MAGED1: variants seen among roughly 807,000 people sequenced by gnomAD.
MAGED1 encodes melanoma-associated antigen D1.
MAGED1 carries 3 observed loss-of-function variants against 54.1 expected under a neutral mutation model. That is an observed-to-expected ratio of 0.06 (90% CI 0.03 to 0.14). The LOEUF is 0.14. Among genes scored for constraint, MAGED1 ranks in the 10% least tolerant of loss-of-function variants. The pLI is 1.00. For synonymous variants in MAGED1, 217 were observed against 227.3 expected (o/e 0.95, Z 0.41); for missense variants, 485 against 623.4 (o/e 0.78, Z 2.36).
chrX:51,892,276 G>T (rs1928468585), upstream of MAGED1, among the ~76,000 whole-genome samples: 1 of 112,571 alleles, frequency 8.9e-6, no homozygotes, highest in Non-Finnish European at 1.9e-5. Flanking sequence ...TTTGCACATT[G>T]AGAAACCAGG....
chrX:51,810,346 A>G (rs1274077008), intron 1 of MAGED1, among the ~76,000 whole-genome samples: 1 of 111,886 alleles, frequency 8.9e-6, no homozygotes, highest in Non-Finnish European at 1.9e-5. Context: ...TTATTATTTT[A>G]AAAGTCATGC....
chrX:51,886,351 A>AT (rs1385083980), intron 1 of MAGED1, among the ~76,000 whole-genome samples: 2 of 111,489 alleles, frequency 1.8e-5, no homozygotes, highest in African/African-American at 3.3e-5. Flanking sequence ...TGATGAGATC[A>AT]TTATACAAGA....
intron 1 of MAGED1, among the ~76,000 whole-genome samples, chrX:51,849,705 CCT>C (rs1157573819): frequency 9.0e-6 from 1 of 110,914 alleles, no homozygotes; most frequent in Non-Finnish European, 1.9e-5. Context: ...ACCTTGCTGA[CCT>C]CTCTCTCTAA....
rs961848179 is a variant in MAGED1, at chrX:51,895,145, C to G, written c.138C>G (p.Thr46=). The G allele has an allele frequency of 1.1e-5, 13 of 1,210,271 alleles. No homozygotes were observed. The highest frequency in any genetic ancestry group is 1.3e-5 in the Non-Finnish European group (12 of 895,166). The change falls in exon 3 of 13, where the codon ACC becomes ACG. Residue 46 remains threonine (T), a synonymous_variant. Transcript: ENST00000326587. ...ISEAPPTNQA[T]AAASPQSSQP... is the part of the protein sequence containing the mutation. ...AGGCTCCACCTACTAACCAGGCCAC[C>G]GCAGCTGCTAGTCCCCAGAGTTCAC...
chrX:51,829,359 A>G (rs1925977178), intron 1 of MAGED1, among the ~76,000 whole-genome samples: 1 of 110,031 alleles, frequency 9.1e-6, no homozygotes, highest in African/African-American at 3.3e-5. Flanking sequence ...ATGTGAAATT[A>G]GTAAATGAAA....
intron 1 of MAGED1, among the ~76,000 whole-genome samples, chrX:51,838,869 G>A (rs782062788): frequency 4.5e-5 from 5 of 111,171 alleles, no homozygotes; most frequent in Non-Finnish European, 9.4e-5. Context: ...TCACTTCAAA[G>A]TAAAACCACT....
chrX:51,898,458 C>T lies in MAGED1; in HGVS notation c.1782-123C>T, dbSNP rs1256501831. 1.8e-5 allele frequency: 18 copies of T among 973,380 alleles called. No homozygotes were observed. In the Admixed American group the frequency reaches 4.3e-4, roughly 23 times the overall value. 80.2% of individuals were successfully genotyped at this position (973,380 alleles called of 1,213,427 possible). On this transcript the variant is annotated intron_variant, in intron 9 of 12. Transcript: ENST00000326587. ...GATGTTCAGAGCCCAAAGATGTGAC[C>T]TGGGTGGATGGGGAAACAGTTCTGA...
At chrX:51,892,903 TC>T (rs782510149), upstream of MAGED1, among the ~76,000 whole-genome samples, 22 of 111,096 alleles carry the variant, frequency 2.0e-4, no homozygotes, top group Non-Finnish European at 4.0e-4. Context: ...GACATCCACT[TC>T]CCAGGGCTGC....
chrX:51,811,157 C>T (rs1250254815), intron 1 of MAGED1, among the ~76,000 whole-genome samples: 5 of 111,148 alleles, frequency 4.5e-5, no homozygotes, highest in Non-Finnish European at 9.4e-5. Context: ...TTGCTTTATA[C>T]GTGTTAAGAA....
intron 1 of MAGED1, among the ~76,000 whole-genome samples, chrX:51,861,531 A>G (rs1243088589): frequency 8.9e-6 from 1 of 111,960 alleles, no homozygotes; most frequent in Non-Finnish European, 1.9e-5. Context: ...CTTTTAGTAT[A>G]GCTATAGCAT....
chrX:51,857,031 G>A (rs782466558), intron 1 of MAGED1: 4 of 111,460 alleles, frequency 3.6e-5, no homozygotes, highest in Non-Finnish European at 5.6e-5. Flanking sequence ...ATGTCAAAAA[G>A]CCCTTTGTCA....
intron 1 of MAGED1, among the ~76,000 whole-genome samples, chrX:51,831,802 T>G (rs782164773): frequency 9.0e-6 from 1 of 110,941 alleles, no homozygotes; most frequent in South Asian, 3.8e-4. Flanking sequence ...ATGGGTAACT[T>G]CCTTTTCATC....
intron 1 of MAGED1, among the ~76,000 whole-genome samples, chrX:51,879,447 T>C (rs1446107160): frequency 1.8e-5 from 2 of 111,369 alleles, no homozygotes; most frequent in African/African-American, 6.5e-5. Context: ...TATGTAGAAA[T>C]CTAGGGTGGT....
At chrX:51,835,704 A>G (rs1034601790) in intron 1 of MAGED1, among the ~76,000 whole-genome samples, 2 of 111,558 alleles carry the variant, frequency 1.8e-5, no homozygotes, top group Non-Finnish European at 3.8e-5. Context: ...AATAATGGCA[A>G]AACCCACAAT....
At chrX:51,824,418 T>C (rs1925753767) in intron 1 of MAGED1, among the ~76,000 whole-genome samples, 1 of 110,797 alleles carries the variant, frequency 9.0e-6, no homozygotes, top group Non-Finnish European at 1.9e-5. Context: ...TTGTGAAGAG[T>C]TGTTTTTCTC....
intron 1 of MAGED1, among the ~76,000 whole-genome samples, chrX:51,818,629 T>C (rs1340721474): frequency 8.9e-6 from 1 of 112,255 alleles, no homozygotes; most frequent in Non-Finnish European, 1.9e-5. Context: ...TTAACCATGA[T>C]GCTTCTGATA....
chrX:51,896,217 T>G (rs1262894359), intron 3 of MAGED1, 192 bp from the exon 4 acceptor site: 11 of 440,019 alleles, frequency 2.5e-5, no homozygotes, highest in Non-Finnish European at 1.2e-5. Context: ...CATCTTTGGG[T>G]TGCTCCTGGC....
intron 1 of MAGED1, among the ~76,000 whole-genome samples, chrX:51,859,501 A>G (rs1927198507): frequency 3.6e-5 from 4 of 112,031 alleles, no homozygotes; most frequent in African/African-American, 1.3e-4. Flanking sequence ...CATAATGTGA[A>G]TGGTATTCTG....
In MAGED1 at chrX:51,852,098, G is replaced by C. The variant is rs1344352172; in HGVS notation, c.-36-42171G>C. Among the ~76,000 whole-genome samples the C allele has an allele frequency of 4.5e-5, 5 of 111,564 alleles. No individual in the cohort carries two copies. In the Admixed American group the frequency reaches 4.8e-4, roughly 11 times the overall value. ...CCGCTAGAAAATAATCTGTCTTCTT[G>C]CTTTTTCCAGTTTCTAAAGGCCACC... On this transcript the variant is annotated intron_variant, in intron 1 of 12. Transcript: ENST00000375772.
Sources: gnomAD v4.1 joint callset for allele counts (sites outside exome capture counted in the v4.1 genomes callset) on GRCh38, gnomAD v4.1.1 for gene constraint, MANE v1.5 for transcripts, NCBI Gene and HGNC (gene_info 2026-07-23, HGNC 2026-07-21) for gene names.